The following PHF20 variants were observed in gnomAD, a reference collection of about 807,000 sequenced individuals.
PHF20 encodes PHD finger protein 20.
PHF20 carries 23 observed loss-of-function variants against 113.5 expected under a neutral mutation model. The ratio of observed to expected loss-of-function variants is 0.20; its 90% CI spans 0.15 to 0.29. The LOEUF (loss-of-function observed/expected upper bound fraction) is 0.29, where lower values mean the gene tolerates loss of function less well. Among genes scored for constraint, PHF20 ranks in the 10% least tolerant of loss-of-function variants. The pLI is 1.00. For synonymous variants in PHF20, 434 were observed against 457.3 expected, an observed-to-expected ratio of 0.95 and a Z score of 0.65; for missense variants, 943 against 1,219.6, an observed-to-expected ratio of 0.77 and a Z score of 3.38.
At chr20:35,836,351 G>C (rs2146928176) in intron 2 of PHF20, among the ~76,000 whole-genome samples, 1 of 151,998 alleles carries the variant, frequency 6.6e-6, no homozygotes, top group South Asian at 2.1e-4. Context: ...TAACACAAAA[G>C]GTATCATAAG....
At chr20:35,829,353 C>A (rs2042317478) in intron 2 of PHF20, among the ~76,000 whole-genome samples, 1 of 152,026 alleles carries the variant, frequency 6.6e-6, no homozygotes, top group Admixed American at 6.6e-5. Flanking sequence ...TTCTTTCTTT[C>A]TTTTTTCTTT....
intron 12 of PHF20, 100 bp downstream of exon 12, chr20:35,914,297 A>G (rs1485095713): frequency 3.5e-6 from 4 of 1,136,078 alleles, no homozygotes; most frequent in Non-Finnish European, 5.1e-6. Flanking sequence ...CCACTACAAT[A>G]AAACAAATAA....
chr20:35,785,444 C>T (rs774280727), intron 1 of PHF20, among the ~76,000 whole-genome samples: 5 of 152,014 alleles, frequency 3.3e-5, no homozygotes, highest in Admixed American at 3.3e-4. Context: ...CTTAGCCTCC[C>T]GAGTAGGTGG....
At chr20:35,785,312 G>C (rs74785978) in intron 1 of PHF20, among the ~76,000 whole-genome samples, 15,862 of 151,942 alleles carry the variant, frequency 0.1, 866 homozygotes, top group South Asian at 0.16. Context: ...AAGGAAAATG[G>C]ACTTTTATTT....
chr20:35,899,674 T>C, intron 10 of PHF20, 26 bp downstream of exon 10: 1 of 1,608,544 alleles, frequency 6.2e-7, no homozygotes. Flanking sequence ...CTTCATTGTG[T>C]CATGGATGGC....
chr20:35,936,214 A>G (rs2055861117), intron 15 of PHF20, among the ~76,000 whole-genome samples: 2 of 152,126 alleles, frequency 1.3e-5, no homozygotes, highest in Admixed American at 1.3e-4. Context: ...AATGACTCCC[A>G]TTTCCCCTGA....
chr20:35,881,072 T>TTTTTTTTTTTA (rs2054623929), intron 9 of PHF20, among the ~76,000 whole-genome samples: 1 of 144,372 alleles, frequency 6.9e-6, no homozygotes. Flanking sequence ...TTTTTTTTTC[T>TTTTTTTTTTTA]GAGACGGAGT....
At chr20:35,885,614 G>A (rs1318614243) in intron 9 of PHF20, among the ~76,000 whole-genome samples, 1 of 150,940 alleles carries the variant, frequency 6.6e-6, no homozygotes, top group Non-Finnish European at 1.5e-5. Context: ...ATTTGATTTG[G>A]GTTATTCACT....
intron 15 of PHF20, among the ~76,000 whole-genome samples, chr20:35,938,104 C>T (rs1168909207): frequency 6.6e-6 from 1 of 152,064 alleles, no homozygotes; most frequent in Non-Finnish European, 1.5e-5. Flanking sequence ...GATCTCCTGA[C>T]CTCGTGATCC....
At chr20:35,774,087 CT>C (rs113868177) in intron 1 of PHF20, among the ~76,000 whole-genome samples, 258 of 142,948 alleles carry the variant, frequency 1.8e-3, no homozygotes, top group Non-Finnish European at 2.0e-3. Flanking sequence ...TGTCAATCTT[CT>C]TTTTTTTTTT....
intron 15 of PHF20, among the ~76,000 whole-genome samples, chr20:35,938,274 T>C (rs6121093): frequency 0.011 from 1,703 of 152,238 alleles, 22 homozygotes; most frequent in African/African-American, 0.038. Context: ...AACTAGTGTT[T>C]CAGTTTAATG....
At chr20:35,928,937 CTCT>C (rs2147110555) in intron 14 of PHF20, among the ~76,000 whole-genome samples, 1 of 152,272 alleles carries the variant, frequency 6.6e-6, no homozygotes, top group Non-Finnish European at 1.5e-5. Flanking sequence ...TCACCTGTGG[CTCT>C]TGATTGCTCC....
chr20:35,943,897 G>A (rs2056038275), intron 17 of PHF20, among the ~76,000 whole-genome samples: 1 of 152,192 alleles, frequency 6.6e-6, no homozygotes, highest in African/African-American at 2.4e-5. Flanking sequence ...GGGATTACAG[G>A]TGTGAGCCAC....
chr20:35,862,618 C>T (rs2054237172), intron 5 of PHF20, among the ~76,000 whole-genome samples: 1 of 152,020 alleles, frequency 6.6e-6, no homozygotes, highest in East Asian at 1.9e-4. Context: ...CCTGTGGTCC[C>T]AGCTACTCAG....
At position 35,829,196 on chromosome 20, in the gene PHF20, C is replaced by T. The variant is rs2042314978; in HGVS notation, c.84-13377C>T. Among the ~76,000 whole-genome samples the T allele has an allele frequency of 4.6e-5, 7 of 152,242 alleles. No individual in the cohort carries two copies. In the South Asian group the frequency reaches 1.5e-3, roughly 32 times the overall value. On this transcript the variant is annotated intron_variant, in intron 2 of 17. Transcript: ENST00000374012. ...CTGAGAGAGTGCAGGGCAGAAGCAG[C>T]AGTGCTTTGTGTATATGCTTGTGGT... is the stretch of plus-strand genomic sequence containing the variant.
intron 2 of PHF20, among the ~76,000 whole-genome samples, chr20:35,834,899 G>A (rs1239217467): frequency 6.6e-6 from 1 of 152,092 alleles, no homozygotes; most frequent in African/African-American, 2.4e-5. Flanking sequence ...TTTCTTCTGA[G>A]GAAAACTATT....
chr20:35,933,512 T>A (rs1236039118), intron 15 of PHF20, among the ~76,000 whole-genome samples: 1 of 152,078 alleles, frequency 6.6e-6, no homozygotes, highest in Non-Finnish European at 1.5e-5. Flanking sequence ...TTCTCCTGCC[T>A]CAGCCTCCCG....
chr20:35,899,684 C>G, intron 10 of PHF20, 36 bp downstream of exon 10: 1 of 1,601,154 alleles, frequency 6.2e-7, no homozygotes, highest in Non-Finnish European at 8.5e-7. Context: ...TCATGGATGG[C>G]TCAGTTGCTT....
chr20:35,830,679 T>C (rs1334713304), intron 2 of PHF20, among the ~76,000 whole-genome samples: 1 of 152,134 alleles, frequency 6.6e-6, no homozygotes, highest in African/African-American at 2.4e-5. Context: ...AACTTTATAG[T>C]TAGATAATCC....
Sources: gnomAD v4.1 joint callset for allele counts (sites outside exome capture counted in the v4.1 genomes callset) on GRCh38, gnomAD v4.1.1 for gene constraint, MANE v1.5 for transcripts, NCBI Gene and HGNC (gene_info 2026-07-23, HGNC 2026-07-21) for gene names.